The following ADGRL2 variants were observed in gnomAD, a reference collection of about 807,000 sequenced individuals.
ADGRL2 encodes the protein adhesion G protein-coupled receptor L2.
In ADGRL2, 44 loss-of-function variants were observed where a neutral mutation model predicts 157.4. The ratio of observed to expected loss-of-function variants is 0.28; its 90% confidence interval spans 0.22 to 0.36. ADGRL2 has a LOEUF of 0.36. ADGRL2 is among the 10% of genes least tolerant of loss of function. The probability of loss-of-function intolerance (pLI) is 1.00; values close to 1 mark genes in which losing one functional copy is unlikely to be tolerated. For synonymous variants in ADGRL2, 585 were observed against 624.7 expected (o/e 0.94, Z 0.95); for missense variants, 1,510 against 1,768.9 (o/e 0.85, Z 2.63).
intron 2 of ADGRL2, among the ~76,000 whole-genome samples, chr1:81,513,046 A>T (rs1033077636): frequency 5.9e-5 from 9 of 152,182 alleles, no homozygotes; most frequent in Admixed American, 3.9e-4. Context: ...TGAAAAAATA[A>T]ATGTATATTT....
chr1:81,384,102 G>T (rs2076394228), intron 1 of ADGRL2, among the ~76,000 whole-genome samples: 2 of 152,088 alleles, frequency 1.3e-5, no homozygotes, highest in African/African-American at 4.8e-5. Context: ...TTCTGTAGAT[G>T]TGCAAAGATA....
rs147910384 is a variant in ADGRL2 at position 81,951,113 on chromosome 1, G to T, written c.1600G>T (p.Ala534Ser). The T allele has an allele frequency of 7.8e-5, 126 of 1,611,492 alleles. 2 individuals carry two copies. In the South Asian group the frequency reaches 1.3e-3, roughly 16 times the overall value. The stretch of plus-strand genomic sequence containing the variant: ...TACCTCACACTGGGTGAATCAGCTG[G>T]CTCAGAAGGTTGGTTGGAACCTTTT... Reference protein sequence around the residue: ...NCTSHWVNQLAQKIRSGENAA... With the variant: ...NCTSHWVNQLSQKIRSGENAA... The change falls in exon 8 of 24, where the codon GCT becomes TCT. Residue 534 changes from alanine (A) to serine (S), a missense_variant. Physicochemically the swap from Ala to Ser is moderately conservative, Grantham distance 99 (BLOSUM62 1). Transcript: ENST00000686636.
At chr1:81,484,372 C>G (rs1054410587) in intron 2 of ADGRL2, among the ~76,000 whole-genome samples, 3 of 152,102 alleles carry the variant, frequency 2.0e-5, no homozygotes, top group African/African-American at 7.2e-5. Context: ...CTGAATGAAC[C>G]TCAACACAGA....
At chr1:81,579,440 C>G (rs536716525) in intron 2 of ADGRL2, 1 of 152,242 alleles carries the variant, frequency 6.6e-6, no homozygotes, top group African/African-American at 2.4e-5. Flanking sequence ...TACTGGCAAT[C>G]AGACCTTGAA....
chr1:81,937,892 A>G (rs1254771284), intron 4 of ADGRL2, among the ~76,000 whole-genome samples: 1 of 151,866 alleles, frequency 6.6e-6, no homozygotes, highest in Non-Finnish European at 1.5e-5. Flanking sequence ...AAATTCTGAT[A>G]GATCTGCTGT....
chr1:81,313,852 T>A (rs1176953043), intron 1 of ADGRL2, among the ~76,000 whole-genome samples: 4 of 152,194 alleles, frequency 2.6e-5, no homozygotes, highest in African/African-American at 9.6e-5. Context: ...TTTCTGGTGT[T>A]CATTGATTCC....
intron 2 of ADGRL2, among the ~76,000 whole-genome samples, chr1:81,458,626 C>T (rs935470806): frequency 6.6e-6 from 1 of 152,210 alleles, no homozygotes; most frequent in Non-Finnish European, 1.5e-5. Flanking sequence ...GCCATGGCTC[C>T]ATCCTCAGCC....
chr1:81,830,665 G>T (rs1415676556), intron 1 of ADGRL2, among the ~76,000 whole-genome samples: 1 of 151,934 alleles, frequency 6.6e-6, no homozygotes, highest in Non-Finnish European at 1.5e-5. Flanking sequence ...CCGCCACCAC[G>T]CCTGGCAAAT....
intron 4 of ADGRL2, 130 bp downstream of exon 4, chr1:81,936,967 T>C (rs201869631): frequency 5.3e-6 from 3 of 568,392 alleles, no homozygotes; most frequent in East Asian, 5.5e-5. Context: ...ACTAACAGAC[T>C]TGGGCCTCCA....
At chr1:81,668,750 G>T (rs1162575) in intron 3 of ADGRL2, among the ~76,000 whole-genome samples, 2 of 150,758 alleles carry the variant, frequency 1.3e-5, no homozygotes, top group Non-Finnish European at 1.5e-5. Flanking sequence ...TTGTATTTTT[G>T]GTAGAGACTG....
chr1:81,659,447 G>A (rs763422729), intron 3 of ADGRL2, among the ~76,000 whole-genome samples: 3 of 152,094 alleles, frequency 2.0e-5, no homozygotes, highest in East Asian at 1.9e-4. Flanking sequence ...AAGGATAAAC[G>A]TAGAGGGGAA....
chr1:81,483,953 A>C (rs1460129934), intron 2 of ADGRL2, among the ~76,000 whole-genome samples: 1 of 152,172 alleles, frequency 6.6e-6, no homozygotes, highest in Non-Finnish European at 1.5e-5. Context: ...GTTAATTAAA[A>C]CAACTTTGTG....
intron 1 of ADGRL2, among the ~76,000 whole-genome samples, chr1:81,714,475 G>T (rs1262052647): frequency 6.6e-6 from 1 of 152,006 alleles, no homozygotes; most frequent in African/African-American, 2.4e-5. Context: ...ATGGGGCAGG[G>T]CAGGGAGAAG....
rs1388026159 is a variant in ADGRL2, at chr1:81,789,696, C to T, written c.-101+27844C>T. 6.0e-5 allele frequency among the ~76,000 whole-genome samples: 6 copies of T among 99,512 alleles called. No individual in the cohort carries two copies. In the East Asian group the frequency reaches 6.7e-4, roughly 11 times the overall value. The allele number at this position is 99,512 out of a possible 152,430, so 65.3% of individuals were successfully genotyped here. Reference sequence around the variant, plus strand: ...AGCGCCTGGTGACAGAGCGAGTCTCCGTCTCAAAAAAAAAAAAAAAAAAAA... The same window carrying T: ...AGCGCCTGGTGACAGAGCGAGTCTCTGTCTCAAAAAAAAAAAAAAAAAAAA... On this transcript the variant is annotated intron_variant, in intron 2 of 20. Coordinates refer to the ADGRL2 transcript ENST00000359929.
Position 81,895,934 on chromosome 1 carries a change from A to G in ADGRL2, c.74-11083A>G, listed in dbSNP as rs868005605. ...GGAAACCTTTACCTAGCAATGTTGG[A>G]GTGACTCACTGGATATGGGAACAAA... On this transcript the variant is annotated intron_variant, in intron 2 of 23. Coordinates refer to ENST00000686636, the MANE Select transcript of ADGRL2 (RefSeq NM_001366006.2). 3.7e-4 allele frequency among the ~76,000 whole-genome samples: 56 copies of G among 152,260 alleles called. 1 individual carries two copies. The highest frequency in any genetic ancestry group is 1.3e-3 in the African/African-American group (56 of 41,548).
At chr1:81,426,118 T>G (rs760948728) in intron 1 of ADGRL2, among the ~76,000 whole-genome samples, 1 of 152,214 alleles carries the variant, frequency 6.6e-6, no homozygotes, top group Non-Finnish European at 1.5e-5. Flanking sequence ...CGTATTTTTA[T>G]GGACAAGTTT....
chr1:81,863,734 G>A (rs1454867178), intron 2 of ADGRL2, among the ~76,000 whole-genome samples: 1 of 152,160 alleles, frequency 6.6e-6, no homozygotes, highest in African/African-American at 2.4e-5. Context: ...CAGAATAAAA[G>A]AGCATGTTTT....
At chr1:81,667,940 G>A (rs558336105) in intron 3 of ADGRL2, among the ~76,000 whole-genome samples, 1 of 152,222 alleles carries the variant, frequency 6.6e-6, no homozygotes, top group South Asian at 2.1e-4. Flanking sequence ...TAAATATAAT[G>A]TCTAACTCTC....
At chr1:81,684,989 TCTATGTGC>T (rs1287794582) in intron 3 of ADGRL2, among the ~76,000 whole-genome samples, 2 of 152,198 alleles carry the variant, frequency 1.3e-5, no homozygotes, top group Non-Finnish European at 2.9e-5. Flanking sequence ...GTTCCATTGG[TCTATGTGC>T]CTATTTTTAT....
Sources: allele counts gnomAD v4.1 joint callset (sites outside exome capture counted in the v4.1 genomes callset), GRCh38; gene constraint gnomAD v4.1.1; transcripts MANE v1.5; gene names NCBI Gene and HGNC (gene_info 2026-07-23, HGNC 2026-07-21).